The following CACNA2D3 variants were observed in gnomAD, a reference collection of about 807,000 sequenced individuals.
The protein encoded by CACNA2D3 is calcium voltage-gated channel auxiliary subunit alpha2delta 3.
A neutral mutation model predicts 160.6 loss-of-function variants in CACNA2D3; 60 were observed. The observed-to-expected ratio is 0.37, with a 90% CI of 0.30 to 0.46. The LOEUF (loss-of-function observed/expected upper bound fraction) is 0.46, where lower values mean the gene tolerates loss of function less well. CACNA2D3 is among the 20% of genes least tolerant of loss of function. The probability of loss-of-function intolerance (pLI) is 1.00; values close to 1 mark genes in which losing one functional copy is unlikely to be tolerated. For missense variants in CACNA2D3, 1,205 were observed against 1,365.0 expected, an observed-to-expected ratio of 0.88 and a Z score of 1.85; for synonymous variants, 558 against 492.9, an observed-to-expected ratio of 1.13 and a Z score of -1.75.
chr3:54,829,243 AT>A (rs1703815475), intron 14 of CACNA2D3, among the ~76,000 whole-genome samples: 3 of 152,114 alleles, frequency 2.0e-5, no homozygotes, highest in Non-Finnish European at 4.4e-5. Flanking sequence ...AGGTGTCTGT[AT>A]CTCTACTGGG....
intron 3 of CACNA2D3, among the ~76,000 whole-genome samples, chr3:54,331,969 G>A (rs1291986146): frequency 6.6e-6 from 1 of 152,136 alleles, no homozygotes; most frequent in South Asian, 2.1e-4. Context: ...TAACTTTCCT[G>A]TAGCATGGAC....
At chr3:54,192,026 T>TCCC (rs1700993952) in intron 2 of CACNA2D3, among the ~76,000 whole-genome samples, 1 of 152,148 alleles carries the variant, frequency 6.6e-6, no homozygotes, top group East Asian at 1.9e-4. Context: ...AGCTGCCTTC[T>TCCC]AGCACATTCA....
At chr3:54,216,134 C>CGTGTGTGTGTGT (rs35251785) in intron 2 of CACNA2D3, among the ~76,000 whole-genome samples, 6 of 149,384 alleles carry the variant, frequency 4.0e-5, no homozygotes, top group Admixed American at 1.3e-4. Context: ...TTTAGTTGTA[C>CGTGTGTGTGTGT]GTGTGTGTGT....
chr3:54,343,314 C>T (rs963805375), intron 3 of CACNA2D3, among the ~76,000 whole-genome samples: 1 of 151,808 alleles, frequency 6.6e-6, no homozygotes, highest in African/African-American at 2.4e-5. Context: ...TTTTAAGAGA[C>T]AGGGTCTAGA....
At chr3:54,650,430 C>T (rs959126041) in intron 11 of CACNA2D3, among the ~76,000 whole-genome samples, 4 of 152,118 alleles carry the variant, frequency 2.6e-5, no homozygotes, top group African/African-American at 9.7e-5. Flanking sequence ...GGTGCATGTT[C>T]TTGACTCACT....
In CACNA2D3 at chr3:54,618,375, G is replaced by GCACACACACACACACACACA. The variant is rs56788185; in HGVS notation, c.964-9393_964-9374dup. ...TACATATATATATATATATATATAT[G>GCACACACACACACACACACA]CACACACACACACACACACACACAC... On this transcript the variant is annotated intron_variant, in intron 9 of 37. Transcript: ENST00000474759. Among the ~76,000 whole-genome samples the GCACACACACACACACACACA allele has an allele frequency of 8.5e-4, 98 of 115,512 alleles. 4 individuals are homozygous for GCACACACACACACACACACA. Among genetic ancestry groups the GCACACACACACACACACACA allele is most frequent in the African/African-American group, 3.0e-3 (88 of 29,394 alleles). The allele number at this position is 115,512 out of a possible 152,430, so 75.8% of individuals were successfully genotyped here. A position where few individuals can be genotyped will look rare whatever the true frequency, so the allele number is the denominator to read the frequency against.
chr3:54,774,967 G>A (rs1257325400), intron 13 of CACNA2D3, among the ~76,000 whole-genome samples: 2 of 152,080 alleles, frequency 1.3e-5, no homozygotes, highest in Admixed American at 6.6e-5. Context: ...TTAATTCCCA[G>A]ACAGGATCTC....
chr3:54,855,222 CTG>C (rs1359813620), intron 17 of CACNA2D3, among the ~76,000 whole-genome samples: 1 of 152,174 alleles, frequency 6.6e-6, no homozygotes, highest in African/African-American at 2.4e-5. Flanking sequence ...GGGAGTCAGG[CTG>C]TGTGTTCACC....
intron 5 of CACNA2D3, among the ~76,000 whole-genome samples, chr3:54,556,195 A>G (rs183021881): frequency 5.6e-4 from 86 of 152,322 alleles, no homozygotes; most frequent in Non-Finnish European, 1.1e-3. Flanking sequence ...TTATTTGAAT[A>G]TAGGGTCTTT....
intron 10 of CACNA2D3, among the ~76,000 whole-genome samples, chr3:54,628,884 G>A (rs1699177116): frequency 1.3e-5 from 2 of 152,026 alleles, no homozygotes; most frequent in Non-Finnish European, 2.9e-5. Flanking sequence ...GTGTGGAGGA[G>A]GCTACCCAAG....
chr3:54,289,173 A>C (rs1173168864), intron 2 of CACNA2D3, among the ~76,000 whole-genome samples: 3 of 152,210 alleles, frequency 2.0e-5, no homozygotes, highest in East Asian at 3.8e-4. Context: ...ATCTCAGCCC[A>C]AAATCTCCTT....
At chr3:54,381,718 GAA>G (rs1316197823) in intron 3 of CACNA2D3, among the ~76,000 whole-genome samples, 3 of 152,192 alleles carry the variant, frequency 2.0e-5, no homozygotes, top group African/African-American at 7.2e-5. Flanking sequence ...GATTTTAAAT[GAA>G]ATGCTTTAAT....
At chr3:54,234,721 A>ACAC (rs758731319) in intron 2 of CACNA2D3, among the ~76,000 whole-genome samples, 2 of 152,228 alleles carry the variant, frequency 1.3e-5, no homozygotes, top group Non-Finnish European at 2.9e-5. Context: ...ACATGAGTGG[A>ACAC]GCAGGAGGTT....
chr3:54,743,546 GC>G (rs1701692827), intron 11 of CACNA2D3, among the ~76,000 whole-genome samples: 1 of 152,190 alleles, frequency 6.6e-6, no homozygotes, highest in Non-Finnish European at 1.5e-5. Flanking sequence ...GAGTGACACA[GC>G]CCCATGATGT....
rs143309227 is a variant in CACNA2D3 at position 54,473,571 on chromosome 3, G to C, written c.382-29921G>C. Among the ~76,000 whole-genome samples the C allele has an allele frequency of 5.9e-3, 901 of 152,272 alleles. 10 individuals are homozygous for C. Among genetic ancestry groups the C allele is most frequent in the African/African-American group, 0.019 (806 of 41,564 alleles). Reference sequence around the variant, plus strand: ...ACTAAACAGCTTCTGCACAGCAAAAGAAACTACCATCAGAGTGAACAGGCA... The same window carrying C: ...ACTAAACAGCTTCTGCACAGCAAAACAAACTACCATCAGAGTGAACAGGCA... On this transcript the variant is annotated intron_variant, in intron 4 of 37. Coordinates refer to ENST00000474759, the MANE Select transcript of CACNA2D3 (RefSeq NM_018398.3).
At chr3:54,900,411 C>T (rs571432955) in intron 27 of CACNA2D3, among the ~76,000 whole-genome samples, 9 of 152,248 alleles carry the variant, frequency 5.9e-5, no homozygotes, top group East Asian at 1.9e-4. Flanking sequence ...AAAGAAGTCC[C>T]GTTTCTGGCT....
rs1701266747 is a variant in CACNA2D3 at position 54,205,827 on chromosome 3, A to G, written c.204+82233A>G. Among the ~76,000 whole-genome samples the G allele has an allele frequency of 2.0e-5, 3 of 152,154 alleles. No individual in the cohort carries two copies. In the South Asian group the frequency reaches 6.2e-4, roughly 32 times the overall value. ...GGATGTCCTCTTGTATTAAACAGTC[A>G]ATGTAGTTTATGTTAGGGTTGCCAG... On this transcript the variant is annotated intron_variant, in intron 2 of 37. Transcript: ENST00000474759.
At chr3:54,503,728 G>T in intron 5 of CACNA2D3, 74 bp downstream of exon 5, 1 of 1,388,686 alleles carries the variant, frequency 7.2e-7, no homozygotes, top group Non-Finnish European at 1.0e-6. Context: ...TGGCTGGTTT[G>T]GGATATAGTT....
At chr3:54,172,052 G>A (rs568318196) in intron 2 of CACNA2D3, among the ~76,000 whole-genome samples, 1 of 152,342 alleles carries the variant, frequency 6.6e-6, no homozygotes, top group African/African-American at 2.4e-5. Flanking sequence ...CCATGGATCT[G>A]TCGAGCATTT....
Sources: gnomAD v4.1 joint callset for allele counts (sites outside exome capture counted in the v4.1 genomes callset) on GRCh38, gnomAD v4.1.1 for gene constraint, MANE v1.5 for transcripts, NCBI Gene and HGNC (gene_info 2026-07-23, HGNC 2026-07-21) for gene names.